Variants in ARAP3 observed in about 807,000 individuals in gnomAD.
ARAP3 encodes ArfGAP with RhoGAP domain, ankyrin repeat and PH domain 3, also known as arf-GAP with Rho-GAP domain, ANK repeat and PH domain-containing protein 3.
Under a neutral mutation model 169.2 loss-of-function variants are expected in ARAP3, and 82 were observed. The ratio of observed to expected loss-of-function variants is 0.48; its 90% CI spans 0.41 to 0.58. The LOEUF is 0.58. Ranked by LOEUF, ARAP3 falls within the 20% of genes least tolerant of loss-of-function variation. The probability of loss-of-function intolerance (pLI) is 0.00; values close to 1 mark genes in which losing one functional copy is unlikely to be tolerated. For missense variants in ARAP3, 1,764 were observed against 2,018.0 expected (o/e 0.87, Z 2.41); for synonymous variants, 791 against 800.3 (o/e 0.99, Z 0.20).
At chr5:141,673,889 A>C in intron 4 of ARAP3, 81 bp from the exon 5 acceptor site, 1 of 1,299,498 alleles carries the variant, frequency 7.7e-7, no homozygotes, top group South Asian at 1.3e-5. Flanking sequence ...CATCCTACTC[A>C]CATCACCTAA....
Position 141,668,266 on chromosome 5 carries a change from C to T in ARAP3, c.2352+1443G>A, listed in dbSNP as rs139473201. 2.6e-4 allele frequency among the ~76,000 whole-genome samples: 39 copies of T among 152,144 alleles called. No individual in the cohort carries two copies. The East Asian group carries it at 7.4e-3, about 29-fold the overall frequency. On this transcript the variant is annotated intron_variant, in intron 16 of 32. Coordinates refer to ENST00000239440, the MANE Select transcript of ARAP3 (RefSeq NM_022481.6). ...GGACTATAGGTGAGCACCATCATGCCTGGCTAATTCTTATTTTTTGTAGAG... is the reference window on the plus strand; with the variant it reads ...GGACTATAGGTGAGCACCATCATGCTTGGCTAATTCTTATTTTTTGTAGAG...
At chr5:141,659,649 GT>G in intron 22 of ARAP3, 129 bp downstream of exon 22, 1 of 1,379,382 alleles carries the variant, frequency 7.2e-7, no homozygotes, top group Non-Finnish European at 1.0e-6. Flanking sequence ...GCTCTGGGAG[GT>G]AGTTCCTGGT....
Position 141,656,751 on chromosome 5 carries a change from C to T in ARAP3, c.3622G>A (p.Val1208Ile). The T allele has an allele frequency of 6.2e-7, 1 of 1,611,580 alleles. No individual in the cohort carries two copies. Among genetic ancestry groups the T allele is most frequent in the Non-Finnish European group, 8.5e-7 (1 of 1,178,888 alleles). Residue 1208 changes from valine (V) to isoleucine (I), a missense_variant, in exon 26 of 33, where the codon GTC (valine) becomes ATC (isoleucine). Physicochemically the swap from Val to Ile is conservative, Grantham distance 29. This residue lies in a region of ARAP3 where 1,112 missense variants were observed against 1,285.7 expected (regional missense o/e 0.86). Coordinates refer to ENST00000239440, the MANE Select transcript of ARAP3 (RefSeq NM_022481.6). ...PCSASLLLKK[V>I]PLAQAGCLFT... ...AGGCAGCCAGCTTGGGCCAGGGGGA[C>T]TTTTTTCAAGAGCAGGGAAGCTGAG...
intron 4 of ARAP3, among the ~76,000 whole-genome samples, chr5:141,677,367 G>A (rs991557690): frequency 6.6e-6 from 1 of 152,084 alleles, no homozygotes; most frequent in Non-Finnish European, 1.5e-5. Context: ...GCATCTCAAA[G>A]GATACTAGCC....
rs552641578 is a variant in ARAP3, at chr5:141,657,276, G to A, written c.3527-430C>T. On this transcript the variant is annotated intron_variant, in intron 25 of 32. Coordinates refer to ENST00000239440, the MANE Select transcript of ARAP3 (RefSeq NM_022481.6). The stretch of plus-strand genomic sequence containing the variant: ...ATGACAAAATGCAAGAACAAAGGCT[G>A]GCAATCAGGAAAGATGTATTTGGGG... Among the ~76,000 whole-genome samples, 3 of 152,326 alleles carry A rather than the reference G, an allele frequency of 2.0e-5. No individual in the cohort carries two copies. The South Asian group carries it at 6.2e-4, about 32-fold the overall frequency.
In ARAP3 at chr5:141,672,399, C is replaced by T; in HGVS notation, c.1386-98G>A. 1 of 1,523,184 alleles carries T rather than the reference C, an allele frequency of 6.6e-7. No individual in the cohort carries two copies. The highest frequency in any genetic ancestry group is 9.0e-7 in the Non-Finnish European group (1 of 1,115,360). The allele number at this position is 1,523,184 out of a possible 1,614,324, so 94.4% of individuals were successfully genotyped here. A position where few individuals can be genotyped will look rare whatever the true frequency, so the allele number is the denominator to read the frequency against. On this transcript the variant is annotated intron_variant, in intron 9 of 32. Coordinates refer to ENST00000239440, the MANE Select transcript of ARAP3 (RefSeq NM_022481.6). This position sits in a 1 kb window ranked among gnomAD's most constrained non-coding sequence, Gnocchi z 4.9. ...GAGCCACCACAGGCCACACCTGGGG[C>T]AGCCCAGACCCTTCTGACATCTTGA...
chr5:141,671,552 CT>C lies in ARAP3; in HGVS notation c.1854+17del, dbSNP rs2099911451. The stretch of plus-strand genomic sequence containing the variant: ...CTGACCCCCCCACCCCAGATCACCC[CT>C]GCTCTGTCCCTCCTACCTGGAGAAG... On this transcript the variant is annotated intron_variant, in intron 12 of 32. Coordinates refer to ENST00000239440, the MANE Select transcript of ARAP3 (RefSeq NM_022481.6). This position sits in a 1 kb window ranked among gnomAD's most constrained non-coding sequence, Gnocchi z 4.9. 1.2e-6 allele frequency: 2 copies of C among 1,613,598 alleles called. No individual in the cohort carries two copies. The highest frequency in any genetic ancestry group is 4.5e-5 in the East Asian group (2 of 44,880).
At position 141,680,278 on chromosome 5, in the gene ARAP3, G is replaced by C; in HGVS notation, c.209C>G (p.Ser70Cys). The change falls in exon 2 of 33, where the codon TCC (serine) becomes TGC (cysteine). Residue 70 changes from serine (S) to cysteine (C), a missense_variant. Physicochemically the swap from Ser to Cys is moderately radical, Grantham distance 112. Transcript: ENST00000239440. ...GGCACTATCTGATTTGGGATCCAGG[G>C]AGCCCTCTTCGGTGCCTGTCTGTAG... The part of the protein sequence containing the change: ...RLLQTGTEEG[S>C]LDPKSDSAME... 6.2e-7 allele frequency: 1 copy of C among 1,614,214 alleles called. No homozygotes were observed. Among genetic ancestry groups the C allele is most frequent in the South Asian group, 1.1e-5 (1 of 91,088 alleles).
At position 141,655,704 on chromosome 5, in the gene ARAP3, G is replaced by A. The variant is rs763833196; in HGVS notation, c.4027C>T (p.Arg1343Cys). The A allele has an allele frequency of 3.6e-5, 58 of 1,614,082 alleles. No homozygotes were observed. The highest frequency in any genetic ancestry group is 4.6e-5 in the Non-Finnish European group (54 of 1,180,046). The change falls in exon 31 of 33, where the codon CGT (arginine) becomes TGT (cysteine). Residue 1343 changes from arginine to cysteine, a missense_variant. Physicochemically the swap from Arg to Cys is radical, Grantham distance 180. Transcript: ENST00000239440. ...LRRHSSSDLA[R>C]QKFGTMPLLP... ...AAAGGCATAGTGCCAAACTTCTGAC[G>A]GGCAAGGTCAGAGGAGGAATGGCGT...
rs1298003110 is a variant in ARAP3, at chr5:141,666,631, G to T, written c.2365C>A (p.Leu789Met). 21 of 1,431,940 alleles carry T rather than the reference G, an allele frequency of 1.5e-5. No homozygotes were observed. The highest frequency in any genetic ancestry group is 1.8e-5 in the Non-Finnish European group (20 of 1,085,928). The allele number at this position is 1,431,940 out of a possible 1,614,324, so 88.7% of individuals were successfully genotyped here. Residue 789 changes from leucine (L) to methionine (M), a missense_variant, in exon 17 of 33, where the codon CTG becomes ATG. By Grantham distance (15) the Leu-to-Met change is conservative (BLOSUM62 2). Around this residue, in one of 3 missense-constraint regions of ARAP3, gnomAD observed 1,112 missense variants for 1,285.7 expected, o/e 0.86. Coordinates refer to ENST00000239440, the MANE Select transcript of ARAP3 (RefSeq NM_022481.6). ...TSAVGKWFSPLSCHQLLGPGL... is the reference protein window; with the variant it reads ...TSAVGKWFSPMSCHQLLGPGL... ...GGGCCCAGCAGCTGGTGGCAGCTCA[G>T]CGGGGAGAACCACTGTAGAGGCAGG...
In ARAP3 at chr5:141,680,456, C is replaced by T; in HGVS notation, c.31G>A (p.Val11Met). Reference protein sequence around the residue: MAAPQDLDIAVWLATVHLEQY... With the variant: MAAPQDLDIAMWLATVHLEQY... The stretch of plus-strand genomic sequence containing the variant: ...TCCAGGTGCACCGTGGCCAGCCACA[C>T]AGCGATGTCCAGGTCCTGAGGGGCA... Residue 11 changes from valine to methionine, a missense_variant, in exon 2 of 33, where the codon GTG (valine) becomes ATG (methionine). Val to Met is a conservative substitution (Grantham distance 21, BLOSUM62 1). Coordinates refer to ENST00000239440, the MANE Select transcript of ARAP3 (RefSeq NM_022481.6). The T allele has an allele frequency of 6.2e-7, 1 of 1,605,644 alleles. No individual in the cohort carries two copies. Among genetic ancestry groups the T allele is most frequent in the African/African-American group, 1.3e-5 (1 of 75,028 alleles).
intron 17 of ARAP3, among the ~76,000 whole-genome samples, chr5:141,665,892 G>A (rs796609202): frequency 4.2e-4 from 63 of 151,584 alleles, no homozygotes; most frequent in African/African-American, 1.5e-3. Flanking sequence ...TTAGCTGGGC[G>A]TGGTGGCGGA....
chr5:141,673,562 C>T (rs1314768225), intron 5 of ARAP3, 43 bp downstream of exon 5: 3 of 1,612,354 alleles, frequency 1.9e-6, no homozygotes, highest in Non-Finnish European at 2.5e-6. Context: ...GCAACCACCT[C>T]CCAGCCTCTC....
At chr5:141,664,191 C>G (rs1596481637) in intron 19 of ARAP3, among the ~76,000 whole-genome samples, 2 of 152,146 alleles carry the variant, frequency 1.3e-5, no homozygotes, top group South Asian at 4.2e-4. Flanking sequence ...TTGAGACCAG[C>G]CTGGCCAACA....
rs201514975 is a variant in ARAP3 at position 141,679,790 on chromosome 5, G to C, written c.557C>G (p.Thr186Ser). 1.7e-4 allele frequency: 281 copies of C among 1,613,544 alleles called. No individual in the cohort carries two copies. The highest frequency in any genetic ancestry group is 8.6e-5 in the Non-Finnish European group (101 of 1,179,888). ...GCCTGTTGTGGGCCTGAGGGCAGGG[G>C]TGGGGGCAGAGATTTGGGAGCTGTC... ...APDSSQISAP[T>S]PALRPTTGTV... Residue 186 changes from threonine (T) to serine (S), a missense_variant, in exon 3 of 33, where the codon ACC becomes AGC. Transcript: ENST00000239440.
chr5:141,670,487 C>T (rs2099911267), intron 14 of ARAP3, 25 bp downstream of exon 14: 1 of 1,603,252 alleles, frequency 6.2e-7, no homozygotes, highest in East Asian at 2.2e-5. Context: ...TCCCTGTATC[C>T]TCCCATCCCT....
chr5:141,661,553 A>G lies in ARAP3; in HGVS notation c.3119+131T>C, dbSNP rs1415070517. The G allele has an allele frequency of 4.4e-6, 4 of 918,298 alleles. No individual in the cohort carries two copies. The African/African-American group carries it at 6.6e-5, about 15-fold the overall frequency. The allele number at this position is 918,298 out of a possible 1,614,324, so 56.9% of individuals were successfully genotyped here. On this transcript the variant is annotated intron_variant, in intron 21 of 32. Coordinates refer to ENST00000239440, the MANE Select transcript of ARAP3 (RefSeq NM_022481.6). ...CCCTCAAATCCATTCTCTGAACCTT[A>G]GTGCTATGATACCTTCACTTAACAA...
At position 141,673,564 on chromosome 5, in the gene ARAP3, C is replaced by T. The variant is rs576491809; in HGVS notation, c.902+41G>A. 3 of 1,612,474 alleles carry T rather than the reference C, an allele frequency of 1.9e-6. No homozygotes were observed. The Admixed American group carries it at 5.0e-5, about 27-fold the overall frequency. ...GGCACTTTCCCGCGCAACCACCTCC[C>T]AGCCTCTCTTTTCTCCCTCCCTTCC... On this transcript the variant is annotated intron_variant, in intron 5 of 32. Transcript: ENST00000239440.
Position 141,673,109 on chromosome 5 carries a change from G to T in ARAP3, c.997C>A (p.Pro333Thr). Residue 333 changes from proline to threonine, a missense_variant, in exon 7 of 33, where the codon CCT (proline) becomes ACT (threonine). Physicochemically the swap from Pro to Thr is conservative, Grantham distance 38. Coordinates refer to ENST00000239440, the MANE Select transcript of ARAP3 (RefSeq NM_022481.6). ...CGGGTCATCTCAATGGCAGTCAAAG[G>T]TATCACACCCTTAGGGAAGGGGTCC... ...DKDPFPKGVIPLTAIEMTRSS... is the reference protein window; with the variant it reads ...DKDPFPKGVITLTAIEMTRSS... 1 of 1,614,196 alleles carries T rather than the reference G, an allele frequency of 6.2e-7. No individual in the cohort carries two copies. Among genetic ancestry groups the T allele is most frequent in the Non-Finnish European group, 8.5e-7 (1 of 1,180,026 alleles).
Sources: allele counts gnomAD v4.1 joint callset (sites outside exome capture counted in the v4.1 genomes callset), GRCh38; gene constraint gnomAD v4.1.1; regional missense constraint gnomAD v4.1.1; non-coding constraint Gnocchi (gnomAD v3.1); transcripts MANE v1.5; gene names NCBI Gene and HGNC (gene_info 2026-07-23, HGNC 2026-07-21).